Variants in TRAPPC11 observed in about 807,000 individuals in gnomAD.
The protein encoded by TRAPPC11 is trafficking protein particle complex subunit 11, also known as foie gras homolog.
A neutral mutation model predicts 151.2 loss-of-function variants in TRAPPC11; 104 were observed. The ratio of observed to expected loss-of-function variants is 0.69; its 90% confidence interval spans 0.59 to 0.81. The LOEUF (loss-of-function observed/expected upper bound fraction) is 0.81. TRAPPC11 is among the 30% of genes least tolerant of loss of function. The probability of loss-of-function intolerance (pLI) is 0.00; values close to 1 mark genes in which losing one functional copy is unlikely to be tolerated. For synonymous variants in TRAPPC11, 456 were observed against 472.3 expected (o/e 0.97, Z 0.45); for missense variants, 1,230 against 1,349.6 (o/e 0.91, Z 1.39).
At chr4:183,703,810 G>A (rs1021588569) in intron 26 of TRAPPC11, among the ~76,000 whole-genome samples, 9 of 152,322 alleles carry the variant, frequency 5.9e-5, no homozygotes, top group Admixed American at 5.9e-4. Context: ...CACTTTAGCT[G>A]TACCACAGGG....
chr4:183,694,129 C>A, intron 22 of TRAPPC11, 91 bp downstream of exon 22: 1 of 1,386,504 alleles, frequency 7.2e-7, no homozygotes, highest in Non-Finnish European at 1.0e-6. Flanking sequence ...AGCGTTTTAA[C>A]GCATATTCTA....
intron 7 of TRAPPC11, 27 bp from the exon 8 acceptor site, chr4:183,677,431 A>G (rs370678149): frequency 7.6e-7 from 1 of 1,313,270 alleles, no homozygotes; most frequent in African/African-American, 1.5e-5. Context: ...AAACTAATTT[A>G]TATCATTAAC....
At chr4:183,697,595 A>C in intron 24 of TRAPPC11, 27 bp downstream of exon 24, 1 of 1,603,104 alleles carries the variant, frequency 6.2e-7, no homozygotes, top group South Asian at 1.1e-5. Flanking sequence ...CATACTAGAA[A>C]TCATTTAGGT....
chr4:183,692,035 A>C (rs1736285179), intron 19 of TRAPPC11, among the ~76,000 whole-genome samples: 1 of 152,228 alleles, frequency 6.6e-6, no homozygotes, highest in Admixed American at 6.5e-5. Flanking sequence ...GTATGGGTTT[A>C]AATTACAGCT....
At chr4:183,676,328 T>G (rs1348786139) in intron 7 of TRAPPC11, among the ~76,000 whole-genome samples, 2 of 152,102 alleles carry the variant, frequency 1.3e-5, no homozygotes, top group Non-Finnish European at 2.9e-5. Context: ...TTTTATATTT[T>G]TAGTAGAGAC....
At chr4:183,703,645 A>T (rs1736907160) in intron 26 of TRAPPC11, among the ~76,000 whole-genome samples, 1 of 152,096 alleles carries the variant, frequency 6.6e-6, no homozygotes, top group Non-Finnish European at 1.5e-5. Context: ...CCTAGGTGGG[A>T]GGATCGCTGG....
intron 2 of TRAPPC11, among the ~76,000 whole-genome samples, chr4:183,665,302 G>T (rs562556559): frequency 3.3e-5 from 5 of 151,902 alleles, no homozygotes; most frequent in Non-Finnish European, 7.4e-5. Context: ...CACCGTGTTA[G>T]CCAGGATGGT....
chr4:183,692,935 C>T, intron 19 of TRAPPC11, 25 bp from the exon 20 acceptor site: 2 of 1,582,372 alleles, frequency 1.3e-6, no homozygotes, highest in Non-Finnish European at 1.7e-6. Context: ...GATGACATTT[C>T]CAACATCCTT....
rs371182334 is a variant in TRAPPC11 at position 183,693,090 on chromosome 4, C to T, written c.2180C>T (p.Pro727Leu). 3.7e-6 allele frequency: 6 copies of T among 1,612,570 alleles called. No homozygotes were observed. The highest frequency in any genetic ancestry group is 2.7e-5 in the African/African-American group (2 of 74,868). Reference sequence around the variant, plus strand: ...GCAGCTCGGTCTTTCAAAAGGCGACCTAAGCTACCTGACAATGAAGTTCAC... The same window carrying T: ...GCAGCTCGGTCTTTCAAAAGGCGACTTAAGCTACCTGACAATGAAGTTCAC... ...LQAARSFKRR[P>L]KLPDNEVHWD... The change falls in exon 20 of 30, where the codon CCT becomes CTT. Residue 727 changes from proline to leucine, a missense_variant. By Grantham distance (98) the Pro-to-Leu change is moderately conservative (BLOSUM62 -3). Transcript: ENST00000334690.
chr4:183,685,535 T>C, intron 17 of TRAPPC11, 132 bp downstream of exon 17: 1 of 958,988 alleles, frequency 1.0e-6, no homozygotes, highest in Non-Finnish European at 1.5e-6. Flanking sequence ...GATAAACTGA[T>C]TTTTTTTTGT....
Position 183,693,058 on chromosome 4 carries a change from C to CT in TRAPPC11, c.2150dup (p.Leu717PhefsTer12). 6.2e-7 allele frequency: 1 copy of CT among 1,613,716 alleles called. No homozygotes were observed. The highest frequency in any genetic ancestry group is 8.5e-7 in the Non-Finnish European group (1 of 1,179,786). On this transcript the variant is annotated frameshift_variant, in exon 20 of 30. Coordinates refer to ENST00000334690, the MANE Select transcript of TRAPPC11 (RefSeq NM_021942.6). LOFTEE classifies it high-confidence loss of function. ...GAGATGCTGCTTCCTCCCAAGAAGC[C>CT]TTACAGGCAGCTCGGTCTTTCAAAA...
chr4:183,701,000 A>C (rs1220794432), intron 25 of TRAPPC11: 3 of 152,102 alleles, frequency 2.0e-5, no homozygotes, highest in African/African-American at 4.8e-5. Context: ...GGTGCACGCC[A>C]CCACACCTGG....
chr4:183,674,717 G>GA lies in TRAPPC11; in HGVS notation c.569dup (p.Asn190LysfsTer5). On this transcript the variant is annotated frameshift_variant, in exon 6 of 30. Coordinates refer to ENST00000334690, the MANE Select transcript of TRAPPC11 (RefSeq NM_021942.6). LOFTEE classifies it high-confidence loss of function. ...GTTTGTTTTTGTTTTTTACAGATTG[G>GA]AAAATGCCTTTTATGAACATGCACA... 6.5e-7 allele frequency: 1 copy of GA among 1,528,710 alleles called. No homozygotes were observed. The highest frequency in any genetic ancestry group is 8.8e-7 in the Non-Finnish European group (1 of 1,138,914). 94.7% of individuals were successfully genotyped at this position (1,528,710 alleles called of 1,614,324 possible). A position where few individuals can be genotyped will look rare whatever the true frequency, so the allele number is the denominator to read the frequency against.
intron 23 of TRAPPC11, 139 bp downstream of exon 23, chr4:183,694,862 T>A (rs952791373): frequency 1.0e-5 from 9 of 861,812 alleles, no homozygotes; most frequent in Middle Eastern, 7.2e-4. Flanking sequence ...TTAAACTTTT[T>A]AAAAAATCAC....
chr4:183,666,863 A>T lies in TRAPPC11; in HGVS notation c.375-197A>T, dbSNP rs114740681. On this transcript the variant is annotated intron_variant, in intron 3 of 29. Transcript: ENST00000334690. ...TAAGGAAGATTTTTAAGATTAGAAG[A>T]TGTGAGATCATACTTTTAGAATTTA... The T allele has an allele frequency of 4.6e-3, 2,278 of 497,582 alleles. 30 individuals carry two copies. The highest frequency in any genetic ancestry group is 0.04 in the African/African-American group (2,085 of 51,944). The allele number at this position is 497,582 out of a possible 1,614,324, so 30.8% of individuals were successfully genotyped here. A position where few individuals can be genotyped will look rare whatever the true frequency, so the allele number is the denominator to read the frequency against.
chr4:183,669,793 C>G (rs535497291), intron 5 of TRAPPC11, among the ~76,000 whole-genome samples: 1 of 152,156 alleles, frequency 6.6e-6, no homozygotes, highest in African/African-American at 2.4e-5. Context: ...CTTGAGAACC[C>G]TACCTTAACC....
At chr4:183,663,080 T>C (rs1366465011) in intron 1 of TRAPPC11, among the ~76,000 whole-genome samples, 1 of 152,138 alleles carries the variant, frequency 6.6e-6, no homozygotes, top group Non-Finnish European at 1.5e-5. Flanking sequence ...TATTTTATTT[T>C]TTTTGAGACA....
chr4:183,686,621 A>G lies in TRAPPC11; in HGVS notation c.1766A>G (p.Gln589Arg), dbSNP rs146053783. 28 of 1,613,958 alleles carry G rather than the reference A, an allele frequency of 1.7e-5. No homozygotes were observed. The African/African-American group carries it at 3.5e-4, about 20-fold the overall frequency. The change falls in exon 18 of 30, where the codon CAG becomes CGG. Residue 589 changes from glutamine to arginine, a missense_variant. By Grantham distance (43) the Gln-to-Arg change is conservative (BLOSUM62 1). Transcript: ENST00000334690. ...AGCCCTTTTGTTTTATTTCTAGTGC[A>G]GTGCAAAGCCAAGTTTCATGCCCCA... ...IGVQDFVPFV[Q>R]CKAKFHAPSF... is the part of the protein sequence containing the mutation.
At chr4:183,709,250 C>T (rs554702251) in intron 29 of TRAPPC11, among the ~76,000 whole-genome samples, 60 of 152,282 alleles carry the variant, frequency 3.9e-4, no homozygotes, top group Non-Finnish European at 7.9e-4. Flanking sequence ...AGTTTCTACC[C>T]TCATTTGGAA....
Sources: allele counts gnomAD v4.1 joint callset (sites outside exome capture counted in the v4.1 genomes callset), GRCh38; gene constraint gnomAD v4.1.1; transcripts MANE v1.5; gene names NCBI Gene and HGNC (gene_info 2026-07-23, HGNC 2026-07-21).